Variants in DOCK4 observed in about 807,000 individuals in gnomAD.
DOCK4 encodes the protein dedicator of cytokinesis protein 4.
In DOCK4, 97 loss-of-function variants were observed where a neutral mutation model predicts 268.1. That is an observed-to-expected ratio of 0.36 (90% CI 0.31 to 0.43). DOCK4 has a LOEUF of 0.43. Among genes scored for constraint, DOCK4 ranks in the 20% least tolerant of loss-of-function variants. The pLI is 1.00. For missense variants in DOCK4, 2,145 were observed against 2,455.7 expected (o/e 0.87, Z 2.67); for synonymous variants, 954 against 887.2 (o/e 1.08, Z -1.34).
intron 39 of DOCK4, among the ~76,000 whole-genome samples, chr7:111,760,738 TTGTGTGTGTGTGTGTGTGTGTG>T (rs3997406): frequency 2.2e-5 from 3 of 136,910 alleles, no homozygotes; most frequent in South Asian, 2.6e-4. Flanking sequence ...TGTCTGCTTT[TTGTGTGTGTGTGTGTGTGTGTG>T]TGTGTGTGTG....
At chr7:112,110,803 C>T (rs1332578684) in intron 1 of DOCK4, among the ~76,000 whole-genome samples, 1 of 152,152 alleles carries the variant, frequency 6.6e-6, no homozygotes, top group Non-Finnish European at 1.5e-5. Flanking sequence ...TTGGGGAAGT[C>T]AGACTGGTGG....
chr7:111,983,858 G>GCACACACACACACACACACACACA (rs1300676029), intron 7 of DOCK4, among the ~76,000 whole-genome samples: 7 of 90,020 alleles, frequency 7.8e-5, no homozygotes, highest in East Asian at 2.6e-4. Context: ...GCGCGCGCGC[G>GCACACACACACACACACACACACA]CGCGCACACA....
chr7:112,072,915 A>C (rs1340557877), intron 1 of DOCK4, among the ~76,000 whole-genome samples: 1 of 152,220 alleles, frequency 6.6e-6, no homozygotes, highest in Non-Finnish European at 1.5e-5. Context: ...AACTCCAGTA[A>C]TCACACTGCT....
intron 1 of DOCK4, among the ~76,000 whole-genome samples, chr7:112,075,154 A>G (rs1460097218): frequency 6.6e-6 from 1 of 152,246 alleles, no homozygotes; most frequent in African/African-American, 2.4e-5. Flanking sequence ...AAAATATAAC[A>G]GTGGGGTCAG....
intron 36 of DOCK4, among the ~76,000 whole-genome samples, chr7:111,776,623 A>G (rs1798456786): frequency 6.6e-6 from 1 of 152,224 alleles, no homozygotes; most frequent in Non-Finnish European, 1.5e-5. Context: ...AAATATATTT[A>G]AGGAAATAAT....
At chr7:111,778,026 T>C (rs747658124) in intron 36 of DOCK4, among the ~76,000 whole-genome samples, 1 of 152,214 alleles carries the variant, frequency 6.6e-6, no homozygotes, top group Non-Finnish European at 1.5e-5. Context: ...TAAGAAGTTA[T>C]GTATGTATTT....
At chr7:111,864,843 A>G (rs1253751930) in intron 22 of DOCK4, among the ~76,000 whole-genome samples, 3 of 152,208 alleles carry the variant, frequency 2.0e-5, no homozygotes, top group Non-Finnish European at 4.4e-5. Context: ...GATTACTGAA[A>G]AGTCAACTAA....
At chr7:111,797,000 G>T (rs1799940461) in intron 30 of DOCK4, among the ~76,000 whole-genome samples, 1 of 152,158 alleles carries the variant, frequency 6.6e-6, no homozygotes, top group Non-Finnish European at 1.5e-5. Flanking sequence ...TCCACTCTGG[G>T]TCATACAGAA....
intron 1 of DOCK4, among the ~76,000 whole-genome samples, chr7:112,185,866 C>T (rs1479655694): frequency 6.6e-6 from 1 of 152,042 alleles, no homozygotes; most frequent in East Asian, 1.9e-4. Flanking sequence ...GCAACTACTG[C>T]CAGGTGGGAA....
In DOCK4 at chr7:112,159,305, A is replaced by G. The variant is rs141659241; in HGVS notation, c.37+46797T>C. ...CCTCCCGCCCTCAACATCCCTGTTC[A>G]GGCCCCTATCACGTAGTCTCTGCAG... On this transcript the variant is annotated intron_variant, in intron 1 of 52. Transcript: ENST00000428084. Among the ~76,000 whole-genome samples the G allele has an allele frequency of 1.3e-4, 20 of 151,940 alleles. No homozygotes were observed. In the East Asian group the frequency reaches 3.9e-3, roughly 30 times the overall value.
chr7:111,825,355 C>G (rs1179124638), intron 26 of DOCK4, among the ~76,000 whole-genome samples: 4 of 152,160 alleles, frequency 2.6e-5, no homozygotes, highest in African/African-American at 9.7e-5. Flanking sequence ...AGCAATATGA[C>G]CTCAATGCTA....
At chr7:112,006,401 CAA>C (rs1800865657) in intron 1 of DOCK4, among the ~76,000 whole-genome samples, 1 of 152,062 alleles carries the variant, frequency 6.6e-6, no homozygotes, top group Non-Finnish European at 1.5e-5. Context: ...ATCTAAGAAC[CAA>C]AAACTGCATT....
intron 2 of DOCK4, 128 bp downstream of exon 2, chr7:112,003,920 A>C: frequency 1.7e-6 from 1 of 591,742 alleles, no homozygotes; most frequent in Non-Finnish European, 2.8e-6. Flanking sequence ...AAATGCAGGA[A>C]ACAATTTTGT....
chr7:112,104,041 G>A (rs982178283), intron 1 of DOCK4, among the ~76,000 whole-genome samples: 1 of 152,178 alleles, frequency 6.6e-6, no homozygotes, highest in African/African-American at 2.4e-5. Flanking sequence ...AGCAGCCAGA[G>A]CTTTATTCCA....
chr7:111,800,009 G>C (rs1229714164), intron 30 of DOCK4, among the ~76,000 whole-genome samples: 4 of 151,978 alleles, frequency 2.6e-5, no homozygotes, highest in Admixed American at 2.0e-4. Context: ...CCTTATAACA[G>C]GATTAATAAT....
chr7:111,923,849 A>AAT (rs1489731232), intron 12 of DOCK4, among the ~76,000 whole-genome samples: 1 of 152,158 alleles, frequency 6.6e-6, no homozygotes, highest in Admixed American at 6.5e-5. Flanking sequence ...ATTTTAAGTT[A>AAT]TTTTACTAAT....
chr7:111,971,761 G>T, intron 8 of DOCK4: 3 of 306,762 alleles, frequency 9.8e-6, no homozygotes, highest in South Asian at 7.2e-5. Flanking sequence ...AGGCCTGAAT[G>T]AACGGGTCAA....
chr7:112,093,878 G>GAAAAAAAAAA (rs5886610), intron 1 of DOCK4, among the ~76,000 whole-genome samples: 1 of 129,468 alleles, frequency 7.7e-6, no homozygotes. Flanking sequence ...GACATATAAG[G>GAAAAAAAAAA]AAAAAAAAAA....
chr7:111,944,491 G>C, intron 10 of DOCK4, among the ~76,000 whole-genome samples: 1 of 152,118 alleles, frequency 6.6e-6, no homozygotes, highest in Non-Finnish European at 1.5e-5. Context: ...TATGCTAACA[G>C]AAATTAGAAT....
Sources: gnomAD v4.1 joint callset for allele counts (sites outside exome capture counted in the v4.1 genomes callset) on GRCh38, gnomAD v4.1.1 for gene constraint, MANE v1.5 for transcripts, NCBI Gene and HGNC (gene_info 2026-07-23, HGNC 2026-07-21) for gene names.